SV2C: variants seen among roughly 807,000 people sequenced by gnomAD.
SV2C encodes the protein synaptic vesicle glycoprotein 2C, also known as solute carrier family 22 member B3.
A neutral mutation model predicts 79.7 loss-of-function variants in SV2C; 49 were observed. That is an observed-to-expected ratio of 0.61 (90% CI 0.49 to 0.78). The LOEUF is 0.78. Ranked by LOEUF, SV2C falls within the 30% of genes least tolerant of loss-of-function variation. The pLI is 0.00. For synonymous variants in SV2C, 334 were observed against 333.2 expected, an observed-to-expected ratio of 1.00 and a Z score of -0.03; for missense variants, 833 against 912.9, an observed-to-expected ratio of 0.91 and a Z score of 1.13.
At chr5:76,002,189 TAA>T in the SV2C span, among the ~76,000 whole-genome samples, 1 of 147,750 alleles carries the variant, frequency 6.8e-6, no homozygotes, top group African/African-American at 2.5e-5. Flanking sequence ...TATATATATA[TAA>T]TATTTTCTTT....
At chr5:75,938,176 C>G in the SV2C span, among the ~76,000 whole-genome samples, 1 of 152,192 alleles carries the variant, frequency 6.6e-6, no homozygotes, top group Non-Finnish European at 1.5e-5. Context: ...TGCAATTTCT[C>G]ATAGTTTATA....
At chr5:75,967,216 G>A in the SV2C span, among the ~76,000 whole-genome samples, 1 of 152,080 alleles carries the variant, frequency 6.6e-6, no homozygotes, top group African/African-American at 2.4e-5. Flanking sequence ...AGCCAAGATG[G>A]CTGAATAGGA....
At chr5:75,934,219 C>T in the SV2C span, among the ~76,000 whole-genome samples, 1 of 151,766 alleles carries the variant, frequency 6.6e-6, no homozygotes, top group Non-Finnish European at 1.5e-5. Context: ...TAGACTGTGA[C>T]TGGATAACTT....
the SV2C span, among the ~76,000 whole-genome samples, chr5:76,048,991 G>GAA: frequency 3.7e-5 from 3 of 80,524 alleles, no homozygotes; most frequent in Non-Finnish European, 4.9e-5. Context: ...AAGAAAGAAA[G>GAA]AAAGAAAGAA....
intron 4 of SV2C, among the ~76,000 whole-genome samples, chr5:76,260,921 T>C (rs1383939094): frequency 3.3e-5 from 5 of 151,280 alleles, no homozygotes; most frequent in African/African-American, 1.2e-4. Context: ...GTCTTGGTTG[T>C]ATGGGCTCTT....
At chr5:76,210,634 G>A (rs1349852465) in intron 4 of SV2C, among the ~76,000 whole-genome samples, 1 of 152,110 alleles carries the variant, frequency 6.6e-6, no homozygotes, top group East Asian at 1.9e-4. Flanking sequence ...GTTTCTATAG[G>A]CATGATTGAT....
intron 12 of SV2C, among the ~76,000 whole-genome samples, chr5:76,309,493 G>A (rs1329369159): frequency 1.3e-5 from 2 of 151,456 alleles, no homozygotes; most frequent in Admixed American, 6.6e-5. Context: ...CCAGCCACTC[G>A]GGAGGCTGAG....
chr5:75,984,838 GT>G, the SV2C span, among the ~76,000 whole-genome samples: 1 of 151,902 alleles, frequency 6.6e-6, no homozygotes, highest in Admixed American at 6.6e-5. Flanking sequence ...TTCTCTGCAG[GT>G]TTTCAATTGA....
chr5:76,072,110 T>A, the SV2C span, among the ~76,000 whole-genome samples: 1 of 152,026 alleles, frequency 6.6e-6, no homozygotes, highest in Non-Finnish European at 1.5e-5. Context: ...AACTAAATTT[T>A]AAAAAAACTA....
intron 4 of SV2C, among the ~76,000 whole-genome samples, chr5:76,215,704 GCA>G (rs1744891792): frequency 6.6e-6 from 1 of 152,184 alleles, no homozygotes; most frequent in Non-Finnish European, 1.5e-5. Flanking sequence ...CATTGAGTTT[GCA>G]CCCTGCAGAG....
At chr5:76,146,210 A>C (rs1478272105) in intron 2 of SV2C, among the ~76,000 whole-genome samples, 1 of 152,190 alleles carries the variant, frequency 6.6e-6, no homozygotes, top group African/African-American at 2.4e-5. Context: ...GTTACAGGAA[A>C]GGTCCTGATC....
chr5:76,056,321 C>A, the SV2C span, among the ~76,000 whole-genome samples: 2 of 152,134 alleles, frequency 1.3e-5, no homozygotes, highest in Admixed American at 6.5e-5. Context: ...TTGAACCAAC[C>A]TTGCATCTCA....
chr5:76,144,010 G>A (rs1361233351), intron 2 of SV2C, among the ~76,000 whole-genome samples: 2 of 115,570 alleles, frequency 1.7e-5, no homozygotes, highest in Non-Finnish European at 4.6e-5. Flanking sequence ...ATAAAAACTT[G>A]ATGGCCTAAT....
At chr5:76,082,644 C>G (rs996333812), upstream of SV2C, among the ~76,000 whole-genome samples, 58 of 149,766 alleles carry the variant, frequency 3.9e-4, no homozygotes, top group African/African-American at 1.3e-3. Flanking sequence ...ACCCCCCCCC[C>G]CTCATATTTG....
At chr5:76,165,449 A>G (rs1266520073) in intron 2 of SV2C, among the ~76,000 whole-genome samples, 1 of 152,134 alleles carries the variant, frequency 6.6e-6, no homozygotes, top group African/African-American at 2.4e-5. Flanking sequence ...CAGGGTCCAG[A>G]TTGTTCCATC....
chr5:75,855,116 A>T, the SV2C span, among the ~76,000 whole-genome samples: 3,723 of 152,230 alleles, frequency 0.024, 157 homozygotes, highest in African/African-American at 0.085. Flanking sequence ...TTTGCATTTT[A>T]AAATAATTTT....
chr5:76,081,914 G>C (rs1013823302), upstream of SV2C: 1 of 152,286 alleles, frequency 6.6e-6, no homozygotes, highest in African/African-American at 2.4e-5. Flanking sequence ...GGGGGTGCCT[G>C]ACAGCTCTCC....
chr5:75,875,940 G>T, the SV2C span, among the ~76,000 whole-genome samples: 4 of 150,516 alleles, frequency 2.7e-5, no homozygotes, highest in African/African-American at 9.8e-5. Context: ...TGCTGATGAG[G>T]TTGCAGAGAA....
the SV2C span, among the ~76,000 whole-genome samples, chr5:76,054,052 G>GT: frequency 2.6e-5 from 4 of 152,046 alleles, no homozygotes; most frequent in Admixed American, 2.6e-4. Flanking sequence ...AGGTATGCAA[G>GT]TGCCATGGTG....
Sources: gnomAD v4.1 joint callset for allele counts (sites outside exome capture counted in the v4.1 genomes callset) on GRCh38, gnomAD v4.1.1 for gene constraint, MANE v1.5 for transcripts, NCBI Gene and HGNC (gene_info 2026-07-23, HGNC 2026-07-21) for gene names.